Variants in COL21A1 observed in about 807,000 individuals in gnomAD.
COL21A1 encodes collagen type XXI alpha 1 chain.
Under a neutral mutation model 137.9 loss-of-function variants are expected in COL21A1, and 149 were observed. The observed-to-expected ratio is 1.08, with a 90% CI of 0.95 to 1.24. The LOEUF (loss-of-function observed/expected upper bound fraction) is 1.24, where lower values mean the gene tolerates loss of function less well. Ranked by LOEUF, COL21A1 falls within the 50% of genes most tolerant of loss-of-function variation. The pLI, the probability that COL21A1 is intolerant of heterozygous loss-of-function variation, is 0.00. For synonymous variants in COL21A1, 456 were observed against 391.5 expected (o/e 1.16, Z -1.95); for missense variants, 1,167 against 1,158.4 (o/e 1.01, Z -0.11).
At chr6:56,159,272 GT>G (rs376571429) in intron 9 of COL21A1, among the ~76,000 whole-genome samples, 33 of 151,054 alleles carry the variant, frequency 2.2e-4, no homozygotes, top group African/African-American at 8.0e-4. Flanking sequence ...TTTTCTCAAA[GT>G]TTTCCCTTGG....
intron 1 of COL21A1, among the ~76,000 whole-genome samples, chr6:56,188,631 T>C (rs1778459748): frequency 6.6e-6 from 1 of 152,212 alleles, no homozygotes; most frequent in South Asian, 2.1e-4. Context: ...GCGTTCGAGC[T>C]CTGCTAAGGG....
chr6:56,138,009 G>A (rs1774126669), intron 12 of COL21A1, among the ~76,000 whole-genome samples: 1 of 152,160 alleles, frequency 6.6e-6, no homozygotes, highest in South Asian at 2.1e-4. Flanking sequence ...AGCTAGTGCT[G>A]TTTGGGGAGA....
chr6:56,148,368 G>GAGAGAGAGAGAGAGAGAGAGAGAGAGAA (rs1208798741), intron 10 of COL21A1, among the ~76,000 whole-genome samples: 8 of 150,234 alleles, frequency 5.3e-5, no homozygotes, highest in African/African-American at 2.0e-4. Context: ...GAGAGAGAGA[G>GAGAGAGAGAGAGAGAGAGAGAGAGAGAA]AAACACATAA....
At chr6:56,158,253 C>CTTTT (rs59381031) in intron 9 of COL21A1, among the ~76,000 whole-genome samples, 21 of 104,880 alleles carry the variant, frequency 2.0e-4, no homozygotes, top group African/African-American at 3.3e-4. Context: ...TGGGTTTTTT[C>CTTTT]TTTTTTTTTT....
chr6:56,250,001 T>A (rs935955598), upstream of COL21A1, among the ~76,000 whole-genome samples: 2 of 152,268 alleles, frequency 1.3e-5, no homozygotes, highest in African/African-American at 4.8e-5. Context: ...AACTGAACTG[T>A]AAAATATTCC....
At position 56,104,589 on chromosome 6, in the gene COL21A1, T is replaced by C. The variant is rs570714020; in HGVS notation, c.1759-3064A>G. 7.2e-5 allele frequency among the ~76,000 whole-genome samples: 11 copies of C among 152,302 alleles called. No homozygotes were observed. In the East Asian group the frequency reaches 1.7e-3, roughly 24 times the overall value. On this transcript the variant is annotated intron_variant, in intron 16 of 29. Transcript: ENST00000244728. ...GATAACCTGGTGCAGGTCAGTTTGT[T>C]TGGCATTTGAAAAAGTATAAAACAT...
At position 56,269,382 on chromosome 6, in the gene COL21A1, G is replaced by A. The variant is rs575565016; in HGVS notation, c.-38-86726C>T. 9.0e-4 allele frequency among the ~76,000 whole-genome samples: 137 copies of A among 152,112 alleles called. 1 individual carries two copies. The highest frequency in any genetic ancestry group is 6.8e-3 in the Middle Eastern group (2 of 292). On this transcript the variant is annotated intron_variant, in intron 1 of 28. Transcript: ENST00000370819. ...GAAAGAAGTGACAGGTCGGCCGGGC[G>A]CGGTGGCTCACGCCTGTAATCCCAG...
At position 56,322,884 on chromosome 6, in the gene COL21A1, C is replaced by CAAAAA. The variant is rs386407164; in HGVS notation, c.-39+71082_-39+71086dup. On this transcript the variant is annotated intron_variant, in intron 1 of 28. Transcript: ENST00000370819. ...ATGGATCAAAACCATCCTCTGCTAT[C>CAAAAA]AAAAAAAAAAAAAAAAAGTCAAGTC... Among the ~76,000 whole-genome samples, 14 of 129,792 alleles carry CAAAAA rather than the reference C, an allele frequency of 1.1e-4. No individual in the cohort carries two copies. In the East Asian group the frequency reaches 1.7e-3, roughly 16 times the overall value. The allele number at this position is 129,792 out of a possible 152,430, so 85.1% of individuals were successfully genotyped here.
chr6:56,120,112 G>C (rs988197636), intron 16 of COL21A1, among the ~76,000 whole-genome samples: 1 of 152,086 alleles, frequency 6.6e-6, no homozygotes, highest in Admixed American at 6.5e-5. Flanking sequence ...TGAAGAGATA[G>C]TCCATGAAAT....
chr6:56,239,155 T>C (rs1448648457), intron 1 of COL21A1, among the ~76,000 whole-genome samples: 1 of 152,198 alleles, frequency 6.6e-6, no homozygotes, highest in Non-Finnish European at 1.5e-5. Context: ...CAAGGAGTAA[T>C]AATATTTTCT....
intron 16 of COL21A1, among the ~76,000 whole-genome samples, chr6:56,115,195 G>A (rs1270314470): frequency 6.6e-6 from 1 of 151,308 alleles, no homozygotes; most frequent in Admixed American, 6.6e-5. Context: ...CCTAATGCTA[G>A]ATGACGAGTT....
chr6:56,084,675 C>CT (rs1461960353), intron 17 of COL21A1, among the ~76,000 whole-genome samples: 1 of 152,066 alleles, frequency 6.6e-6, no homozygotes, highest in African/African-American at 2.4e-5. Context: ...AATTTCTTGT[C>CT]TTAAAAAGTT....
intron 12 of COL21A1, among the ~76,000 whole-genome samples, chr6:56,130,183 A>ATATT (rs1773424952): frequency 4.2e-5 from 1 of 23,844 alleles, no homozygotes; most frequent in African/African-American, 1.3e-4. Flanking sequence ...ATATATATAT[A>ATATT]TATATATATA....
chr6:56,191,591 C>CAAAAA (rs70986783), intron 1 of COL21A1, among the ~76,000 whole-genome samples: 21 of 121,160 alleles, frequency 1.7e-4, no homozygotes, highest in African/African-American at 4.8e-4. Flanking sequence ...GACTCTATCT[C>CAAAAA]AAAAAAAAAA....
At chr6:56,129,671 C>CGTGTGTGTGT (rs1773341967) in intron 12 of COL21A1, among the ~76,000 whole-genome samples, 2 of 85,674 alleles carry the variant, frequency 2.3e-5, no homozygotes, top group South Asian at 9.6e-4. Flanking sequence ...CTGTCACGTG[C>CGTGTGTGTGT]GTGCGTGTGT....
intron 1 of COL21A1, among the ~76,000 whole-genome samples, chr6:56,386,038 A>T (rs1424436849): frequency 6.6e-6 from 1 of 152,058 alleles, no homozygotes; most frequent in Non-Finnish European, 1.5e-5. Flanking sequence ...TATGTAAAAC[A>T]GGAAGCTGTT....
chr6:56,134,271 T>C (rs1289817280), intron 12 of COL21A1, among the ~76,000 whole-genome samples: 1 of 152,184 alleles, frequency 6.6e-6, no homozygotes, highest in African/African-American at 2.4e-5. Context: ...GGAGAGCATT[T>C]TGGAGCTTTA....
intron 16 of COL21A1, among the ~76,000 whole-genome samples, chr6:56,114,494 C>A (rs1216761939): frequency 1.3e-5 from 2 of 152,130 alleles, no homozygotes; most frequent in Admixed American, 6.5e-5. Flanking sequence ...CAAACAACCC[C>A]ATCAAAAAGT....
intron 16 of COL21A1, among the ~76,000 whole-genome samples, chr6:56,115,898 C>G (rs150334626): frequency 1.3e-3 from 204 of 152,012 alleles, no homozygotes; most frequent in Non-Finnish European, 2.2e-3. Context: ...AACAATGTAT[C>G]AGAGTCCTTT....
Sources: allele counts gnomAD v4.1 joint callset (sites outside exome capture counted in the v4.1 genomes callset), GRCh38; gene constraint gnomAD v4.1.1; transcripts MANE v1.5; gene names NCBI Gene and HGNC (gene_info 2026-07-23, HGNC 2026-07-21).